Variants in ALK observed in about 807,000 individuals in gnomAD.
ALK encodes ALK receptor tyrosine kinase.
ALK carries 74 observed loss-of-function variants against 163.1 expected under a neutral mutation model. That is an observed-to-expected ratio of 0.45 (90% confidence interval 0.38 to 0.55). The LOEUF (loss-of-function observed/expected upper bound fraction) is 0.55, where lower values mean the gene tolerates loss of function less well. Among genes scored for constraint, ALK ranks in the 20% least tolerant of loss-of-function variants. The pLI, the probability that ALK is intolerant of heterozygous loss-of-function variation, is 0.00. For synonymous variants in ALK, 960 were observed against 843.2 expected, an observed-to-expected ratio of 1.14 and a Z score of -2.40; for missense variants, 2,063 against 2,105.3, an observed-to-expected ratio of 0.98 and a Z score of 0.39.
intron 3 of ALK, among the ~76,000 whole-genome samples, chr2:29,577,852 C>A (rs190507767): frequency 6.6e-6 from 1 of 152,348 alleles, no homozygotes; most frequent in Admixed American, 6.5e-5. Flanking sequence ...GTCAGACACC[C>A]AAGACCTGTC....
At chr2:29,663,334 C>T (rs1677408909) in intron 3 of ALK, among the ~76,000 whole-genome samples, 1 of 152,258 alleles carries the variant, frequency 6.6e-6, no homozygotes, top group South Asian at 2.1e-4. Flanking sequence ...TTATTAATCA[C>T]TTCAGGTGAG....
chr2:29,673,564 T>C (rs13017925), intron 3 of ALK, among the ~76,000 whole-genome samples: 76,787 of 99,130 alleles, frequency 0.77, 29,957 homozygotes, highest in African/African-American at 0.79. Context: ...AGTACCATGC[T>C]GTTTTGGTTA....
chr2:29,193,638 G>A lies in ALK; in HGVS notation c.4449C>T (p.Ser1483=), dbSNP rs2148138294. ...GGHVNMAFSQ[S]NPPSELHKVH... ...CCTTGTGCAACTCCGAAGGAGGGTT[G>A]GACTGAGAGAATGCCATATTCACGT... is the stretch of plus-strand genomic sequence containing the variant. Residue 1483 remains serine, a synonymous_variant, in exon 29 of 29, where the codon TCC becomes TCT. Coordinates refer to ENST00000389048, the MANE Select transcript of ALK (RefSeq NM_004304.5). 1 of 1,614,250 alleles carries A rather than the reference G, an allele frequency of 6.2e-7. No homozygotes were observed. The highest frequency in any genetic ancestry group is 8.5e-7 in the Non-Finnish European group (1 of 1,180,050).
At chr2:29,298,334 T>A (rs1415741069) in intron 8 of ALK, among the ~76,000 whole-genome samples, 1 of 152,216 alleles carries the variant, frequency 6.6e-6, no homozygotes, top group Non-Finnish European at 1.5e-5. Flanking sequence ...TGTTAATTTT[T>A]TTTTCTGGCC....
chr2:29,208,892 G>C (rs1669385243), intron 25 of ALK, among the ~76,000 whole-genome samples: 1 of 151,598 alleles, frequency 6.6e-6, no homozygotes, highest in Non-Finnish European at 1.5e-5. Flanking sequence ...TACAATTAAA[G>C]TAGTATTAGC....
intron 3 of ALK, among the ~76,000 whole-genome samples, chr2:29,676,970 T>C (rs1011014478): frequency 2.6e-5 from 4 of 152,118 alleles, no homozygotes; most frequent in African/African-American, 7.2e-5. Flanking sequence ...TTTTTTAATA[T>C]TGATTTTGTA....
At chr2:29,628,171 A>G (rs1676251162) in intron 3 of ALK, among the ~76,000 whole-genome samples, 1 of 152,144 alleles carries the variant, frequency 6.6e-6, no homozygotes, top group Non-Finnish European at 1.5e-5. Context: ...ATGATTTCAG[A>G]TATGTTTGCT....
intron 4 of ALK, among the ~76,000 whole-genome samples, chr2:29,491,740 ATTAG>A (rs1421003449): frequency 2.0e-5 from 3 of 152,144 alleles, no homozygotes; most frequent in Non-Finnish European, 4.4e-5. Context: ...TAACTGACAA[ATTAG>A]TTAGTGCCAG....
rs76063579 is a variant in ALK, at chr2:29,575,595, T to C, written c.953-43479A>G. Among the ~76,000 whole-genome samples the C allele has an allele frequency of 8.7e-3, 1,331 of 152,336 alleles. 24 individuals are homozygous for C. The highest frequency in any genetic ancestry group is 0.03 in the African/African-American group (1,227 of 41,564). ...TGCTGGCTCTAGCACACACCCACTA[T>C]ATACACCAATGAAAAAATACAATTC... On this transcript the variant is annotated intron_variant, in intron 3 of 28. Transcript: ENST00000389048.
intron 3 of ALK, among the ~76,000 whole-genome samples, chr2:29,641,168 A>G (rs1676689586): frequency 6.6e-6 from 1 of 152,100 alleles, no homozygotes; most frequent in African/African-American, 2.4e-5. Context: ...AAATAGGCAG[A>G]TATTGGCAGG....
At chr2:29,209,652 G>T (rs1431936011) in intron 25 of ALK, 134 bp downstream of exon 25, 8 of 669,122 alleles carry the variant, frequency 1.2e-5, no homozygotes, top group Admixed American at 2.5e-5. Context: ...GCCTGAAAAG[G>T]AACTTAGTGA....
intron 3 of ALK, among the ~76,000 whole-genome samples, chr2:29,549,338 G>C (rs1673655291): frequency 2.0e-5 from 3 of 152,162 alleles, no homozygotes; most frequent in Admixed American, 2.0e-4. Context: ...TCTTGTTCCT[G>C]AGCCACCTCT....
In ALK at chr2:29,314,308, C is replaced by T. The variant is rs773728706; in HGVS notation, c.1647+3996G>A. ...TTTTAATGACACAAAGGATGGGTCC[C>T]CTTTTCTCCAGGCCCATGTAGACGT... On this transcript the variant is annotated intron_variant, in intron 8 of 28. Coordinates refer to ENST00000389048, the MANE Select transcript of ALK (RefSeq NM_004304.5). Among the ~76,000 whole-genome samples the T allele has an allele frequency of 2.6e-4, 40 of 152,136 alleles. 1 individual carries two copies. The highest frequency in any genetic ancestry group is 1.3e-4 in the Non-Finnish European group (9 of 68,036).
At chr2:29,338,025 G>T (rs1667675788) in intron 5 of ALK, among the ~76,000 whole-genome samples, 1 of 152,102 alleles carries the variant, frequency 6.6e-6, no homozygotes, top group African/African-American at 2.4e-5. Context: ...CAGAATACAT[G>T]GGTTCTTATT....
At chr2:29,418,479 G>C (rs1231689182) in intron 4 of ALK, among the ~76,000 whole-genome samples, 4 of 152,150 alleles carry the variant, frequency 2.6e-5, no homozygotes, top group African/African-American at 9.7e-5. Context: ...TACCAGTGCA[G>C]ATTTCTTACA....
At chr2:29,771,422 G>A (rs574737408) in intron 1 of ALK, among the ~76,000 whole-genome samples, 10 of 152,298 alleles carry the variant, frequency 6.6e-5, no homozygotes, top group Non-Finnish European at 1.2e-4. Flanking sequence ...TTCCAAAGAT[G>A]ATGAGTCTGA....
In ALK at chr2:29,590,765, C is replaced by G. The variant is rs74261441; in HGVS notation, c.953-58649G>C. ...ATTTGGAGTTGAGCCTCATCTCTCT[C>G]CCTCCCTGCAAAAATCCCACTGCAG... On this transcript the variant is annotated intron_variant, in intron 3 of 28. Coordinates refer to ENST00000389048, the MANE Select transcript of ALK (RefSeq NM_004304.5). 1.4e-4 allele frequency among the ~76,000 whole-genome samples: 21 copies of G among 152,228 alleles called. No homozygotes were observed. The East Asian group carries it at 3.9e-3, about 28-fold the overall frequency.
chr2:29,239,405 G>T (rs74535085), intron 13 of ALK, among the ~76,000 whole-genome samples: 36 of 152,210 alleles, frequency 2.4e-4, no homozygotes, highest in Admixed American at 4.6e-4. Flanking sequence ...GGTGAGGGAG[G>T]GGGGGAGCCT....
intron 3 of ALK, among the ~76,000 whole-genome samples, chr2:29,689,906 A>AT (rs57926564): frequency 0.089 from 13,600 of 152,238 alleles, 1,913 homozygotes; most frequent in African/African-American, 0.3. Flanking sequence ...AATGCCAAGG[A>AT]TTCCCGGCAA....
Sources: allele counts gnomAD v4.1 joint callset (sites outside exome capture counted in the v4.1 genomes callset), GRCh38; gene constraint gnomAD v4.1.1; transcripts MANE v1.5; gene names NCBI Gene and HGNC (gene_info 2026-07-23, HGNC 2026-07-21).